The following MMP3 variants were observed in gnomAD, a reference collection of about 807,000 sequenced individuals.
The protein encoded by MMP3 is matrix metallopeptidase 3, also known as stromelysin-1.
A neutral mutation model predicts 47.3 loss-of-function variants in MMP3; 46 were observed. That is an observed-to-expected ratio of 0.97 (90% CI 0.77 to 1.24). The LOEUF (loss-of-function observed/expected upper bound fraction) is 1.24. Among genes scored for constraint, MMP3 ranks in the 50% most tolerant of loss-of-function variants. MMP3 has a pLI of 0.00. For synonymous variants in MMP3, 216 were observed against 206.5 expected, an observed-to-expected ratio of 1.05 and a Z score of -0.39; for missense variants, 558 against 565.5, an observed-to-expected ratio of 0.99 and a Z score of 0.13.
In MMP3 at chr11:102,839,125, C is replaced by A. The variant is rs536550929; in HGVS notation, c.1054G>T (p.Val352Phe). Residue 352 changes from valine to phenylalanine, a missense_variant, in exon 7 of 10, where the codon GTT becomes TTT. By Grantham distance (50) the Val-to-Phe change is conservative. Coordinates refer to ENST00000299855, the MANE Select transcript of MMP3 (RefSeq NM_002422.5). ...AAYEVTSKDL[V>F]FIFKGNQFWA... The stretch of plus-strand genomic sequence containing the variant: ...TAGTAATTACCTTTAAAAATGAAAA[C>A]GAGGTCCTTGCTAGTAACTTCATAT... 1 of 1,612,470 alleles carries A rather than the reference C, an allele frequency of 6.2e-7. No homozygotes were observed. Among genetic ancestry groups the A allele is most frequent in the South Asian group, 1.1e-5 (1 of 90,692 alleles).
Position 102,843,490 on chromosome 11 carries a change from T to G in MMP3, c.57A>C (p.Pro19=). Residue 19 remains proline, a synonymous_variant, in exon 1 of 10, where the codon CCA becomes CCC. Transcript: ENST00000299855. ...LLCVAVCSAY[P]LDGAARGEDT... is the part of the protein sequence containing the mutation. Reference sequence around the variant, plus strand: ...CCTCACCCCTTGCAGCTCCATCCAATGGATAGGCTGAGCAAACTGCCACGC... The same window carrying G: ...CCTCACCCCTTGCAGCTCCATCCAAGGGATAGGCTGAGCAAACTGCCACGC... The G allele has an allele frequency of 6.2e-7, 1 of 1,613,758 alleles. No individual in the cohort carries two copies. The highest frequency in any genetic ancestry group is 1.1e-5 in the South Asian group (1 of 91,040).
chr11:102,838,319 C>A (rs1555004900), intron 8 of MMP3, among the ~76,000 whole-genome samples: 1 of 152,080 alleles, frequency 6.6e-6, no homozygotes, highest in East Asian at 1.9e-4. Flanking sequence ...GGGCTCCAGG[C>A]AGGTGGGGTG....
chr11:102,842,403 GC>G (rs1555005634), intron 3 of MMP3, 27 bp downstream of exon 3: 7 of 918,450 alleles, frequency 7.6e-6, no homozygotes, highest in South Asian at 3.1e-5. Flanking sequence ...GTTTTGTTTT[GC>G]TTTTTTTTTT....
At chr11:102,842,990 G>A in intron 1 of MMP3, 74 bp from the exon 2 acceptor site, 1 of 1,301,172 alleles carries the variant, frequency 7.7e-7, no homozygotes, top group Non-Finnish European at 1.0e-6. Context: ...GTAAGTTTTT[G>A]CAGTTGCTCA....
chr11:102,841,129 G>T (rs975339935), intron 4 of MMP3, among the ~76,000 whole-genome samples: 5 of 152,130 alleles, frequency 3.3e-5, no homozygotes, highest in African/African-American at 1.2e-4. Context: ...TGCAAAATTG[G>T]TTTAAAACAC....
rs782792424 is a variant in MMP3, at chr11:102,836,236, C to T, written c.1334-10G>A. The stretch of plus-strand genomic sequence containing the variant: ...AAGAAATAAAAGAACCCTGCAAATA[C>T]AGACAAGGGAAATAGTAAGATATTT... On this transcript the variant is annotated splice_polypyrimidine_tract_variant and intron_variant, in intron 9 of 9. Coordinates refer to ENST00000299855, the MANE Select transcript of MMP3 (RefSeq NM_002422.5). This position sits in a 1 kb window ranked among gnomAD's most constrained non-coding sequence, Gnocchi z 4.6. The T allele has an allele frequency of 4.4e-6, 7 of 1,594,312 alleles. No homozygotes were observed. Among genetic ancestry groups the T allele is most frequent in the Non-Finnish European group, 6.0e-6 (7 of 1,163,428 alleles).
intron 4 of MMP3, 99 bp downstream of exon 4, chr11:102,842,055 A>G: frequency 1.6e-6 from 2 of 1,231,168 alleles, no homozygotes; most frequent in Non-Finnish European, 2.2e-6. Flanking sequence ...CCACTGGAAA[A>G]TCCAGAACAT....
chr11:102,843,447 C>G lies in MMP3; in HGVS notation c.100G>C (p.Val34Leu). ...ARGEDTSMNL[V>L]QKYLENYYDL... ...GGTCAGTTAGTGTTAATTACCTGAA[C>G]AAGGTTCATGCTGGTGTCCTCACCC... is the stretch of plus-strand genomic sequence containing the variant. The change falls in exon 1 of 10, where the codon GTT becomes CTT. Residue 34 changes from valine (V) to leucine (L), a missense_variant. Coordinates refer to ENST00000299855, the MANE Select transcript of MMP3 (RefSeq NM_002422.5). 1.2e-6 allele frequency: 2 copies of G among 1,612,978 alleles called. No individual in the cohort carries two copies. Among genetic ancestry groups the G allele is most frequent in the African/African-American group, 1.3e-5 (1 of 74,992 alleles).
intron 4 of MMP3, among the ~76,000 whole-genome samples, chr11:102,841,780 A>T (rs1203829046): frequency 6.6e-6 from 1 of 152,176 alleles, no homozygotes; most frequent in Non-Finnish European, 1.5e-5. Flanking sequence ...AGAGTAAAGA[A>T]GTAAATGGAG....
intron 1 of MMP3, among the ~76,000 whole-genome samples, chr11:102,843,171 C>CT (rs1859041421): frequency 6.6e-6 from 1 of 151,872 alleles, no homozygotes; most frequent in African/African-American, 2.4e-5. Flanking sequence ...TACTCATGTG[C>CT]CTTAAGCCCC....
intron 3 of MMP3, 25 bp downstream of exon 3, chr11:102,842,406 T>TTTTTTTTTTTTTTTTTTTTTTTTTTC (rs1565226072): frequency 2.2e-6 from 1 of 447,998 alleles, no homozygotes; most frequent in East Asian, 7.5e-5. Context: ...TTGTTTTGCT[T>TTTTTTTTTTTTTTTTTTTTTTTTTTC]TTTTTTTTTT....
chr11:102,843,267 G>A (rs868953233), intron 1 of MMP3, among the ~76,000 whole-genome samples, 175 bp downstream of exon 1: 1 of 152,136 alleles, frequency 6.6e-6, no homozygotes, highest in Non-Finnish European at 1.5e-5. Flanking sequence ...AAGAGGAGAA[G>A]CCCAAATGGT....
rs602128 is a variant in MMP3 at position 102,842,734 on chromosome 11, A to C, written c.288T>G (p.Asp96Glu). ...VMRKPRCGVP[D>E]VGHFRTFPGI... ...CAGGAAAGGTTCTGAAGTGACCAAC[A>C]TCAGGAACTCCACACCTGGGCTTGC... Residue 96 changes from aspartate (D) to glutamate (E), a missense_variant, in exon 2 of 10, where the codon GAT (aspartate) becomes GAG (glutamate). Transcript: ENST00000299855. 5 of 1,613,448 alleles carry C rather than the reference A, an allele frequency of 3.1e-6. No homozygotes were observed. In the African/African-American group the frequency reaches 5.3e-5, roughly 17 times the overall value.
rs1859024496 is a variant in MMP3, at chr11:102,842,542, C to T, written c.388G>A (p.Val130Ile). Residue 130 changes from valine (V) to isoleucine (I), a missense_variant, in exon 3 of 10, where the codon GTT becomes ATT. Physicochemically the swap from Val to Ile is conservative, Grantham distance 29. Coordinates refer to ENST00000299855, the MANE Select transcript of MMP3 (RefSeq NM_002422.5). ...AGAGCTTTCTCAACAGCAGAATCAA[C>T]AGCATCTTTTGGCAAATCTGGTGTA... ...NYTPDLPKDA[V>I]DSAVEKALKV... 6.2e-7 allele frequency: 1 copy of T among 1,609,622 alleles called. No homozygotes were observed. Among genetic ancestry groups the T allele is most frequent in the African/African-American group, 1.3e-5 (1 of 74,284 alleles).
At position 102,842,282 on chromosome 11, in the gene MMP3, A is replaced by G. The variant is rs1555005582; in HGVS notation, c.500-3T>C. On this transcript the variant is annotated splice_region_variant and splice_polypyrimidine_tract_variant and intron_variant, in intron 3 of 9. Coordinates refer to ENST00000299855, the MANE Select transcript of MMP3 (RefSeq NM_002422.5). The stretch of plus-strand genomic sequence containing the variant: ...AAAAGGGTAAAAGTCTCCATGTTCT[A>G]GTAGGAAAAAAATTTATTGGAAAGA... 1 of 1,596,272 alleles carries G rather than the reference A, an allele frequency of 6.3e-7. No homozygotes were observed.
intron 4 of MMP3, 49 bp from the exon 5 acceptor site, chr11:102,840,642 G>T: frequency 6.3e-7 from 1 of 1,583,622 alleles, no homozygotes; most frequent in South Asian, 1.1e-5. Flanking sequence ...AAATACATGT[G>T]CATTACACAG....
In MMP3 at chr11:102,836,265, C is replaced by T. The variant is rs1858879469; in HGVS notation, c.1334-39G>A. 2 of 1,465,292 alleles carry T rather than the reference C, an allele frequency of 1.4e-6. No homozygotes were observed. The highest frequency in any genetic ancestry group is 2.3e-5 in the South Asian group (2 of 86,236). The allele number at this position is 1,465,292 out of a possible 1,614,324, so 90.8% of individuals were successfully genotyped here. A position where few individuals can be genotyped will look rare whatever the true frequency, so the allele number is the denominator to read the frequency against. The stretch of plus-strand genomic sequence containing the variant: ...CAAGGGAAATAGTAAGATATTTTTC[C>T]AAATAAAGACATTTGACAATATACA... On this transcript the variant is annotated intron_variant, in intron 9 of 9. Transcript: ENST00000299855. The surrounding 1 kb of genome is among the most constrained non-coding windows in gnomAD (Gnocchi z 4.6).
intron 4 of MMP3, among the ~76,000 whole-genome samples, chr11:102,841,404 A>G (rs879949001): frequency 3.9e-5 from 6 of 152,202 alleles, no homozygotes; most frequent in Admixed American, 3.9e-4. Context: ...TCAACCAATC[A>G]AGAATTCTAT....
Position 102,842,900 on chromosome 11 carries a change from T to C in MMP3, c.122A>G (p.Tyr41Cys). ...TTTCACATCTTTTTTGAGGTCGTAG[T>C]AGTTTTCTAGATATTTCTAACAGAA... ...MNLVQKYLEN[Y>C]YDLKKDVKQF... The change falls in exon 2 of 10, where the codon TAC becomes TGC. Residue 41 changes from tyrosine to cysteine, a missense_variant. Physicochemically the swap from Tyr to Cys is radical, Grantham distance 194. Coordinates refer to ENST00000299855, the MANE Select transcript of MMP3 (RefSeq NM_002422.5). The C allele has an allele frequency of 6.2e-7, 1 of 1,606,250 alleles. No individual in the cohort carries two copies. Among genetic ancestry groups the C allele is most frequent in the Non-Finnish European group, 8.5e-7 (1 of 1,174,514 alleles).
Sources: gnomAD v4.1 joint callset for allele counts (sites outside exome capture counted in the v4.1 genomes callset) on GRCh38, gnomAD v4.1.1 for gene constraint, Gnocchi (gnomAD v3.1) non-coding constraint, MANE v1.5 for transcripts, NCBI Gene and HGNC (gene_info 2026-07-23, HGNC 2026-07-21) for gene names.